The following EXOC6B variants were observed in gnomAD, a reference collection of about 807,000 sequenced individuals.
The protein encoded by EXOC6B is exocyst complex component 6B, also known as SEC15 homolog B.
EXOC6B carries 54 observed loss-of-function variants against 113.5 expected under a neutral mutation model. The ratio of observed to expected loss-of-function variants is 0.48; its 90% CI spans 0.38 to 0.60. The LOEUF is 0.60. Ranked by LOEUF, EXOC6B falls within the 20% of genes least tolerant of loss-of-function variation. The pLI is 0.00. For synonymous variants in EXOC6B, 357 were observed against 339.0 expected (o/e 1.05, Z -0.58); for missense variants, 797 against 977.5 (o/e 0.82, Z 2.46).
intron 5 of EXOC6B, among the ~76,000 whole-genome samples, chr2:72,730,579 GACACACAC>G (rs3034987): frequency 0.58 from 84,012 of 144,464 alleles, 29,101 homozygotes; most frequent in East Asian, 0.93. Flanking sequence ...AACAGACAGA[GACACACAC>G]ACACACACAC....
intron 20 of EXOC6B, among the ~76,000 whole-genome samples, chr2:72,323,157 T>C (rs1442315993): frequency 2.0e-5 from 3 of 151,754 alleles, no homozygotes; most frequent in African/African-American, 7.3e-5. Flanking sequence ...AACAACCCCA[T>C]CAAAAAGTGG....
At chr2:72,589,933 C>T (rs1321774081) in intron 6 of EXOC6B, among the ~76,000 whole-genome samples, 12 of 151,882 alleles carry the variant, frequency 7.9e-5, no homozygotes, top group Non-Finnish European at 1.6e-4. Context: ...AATTCAAAGA[C>T]CACATCAAAG....
chr2:72,564,921 C>T (rs929997908), intron 7 of EXOC6B, among the ~76,000 whole-genome samples: 4 of 152,134 alleles, frequency 2.6e-5, no homozygotes, highest in Non-Finnish European at 4.4e-5. Context: ...AAGCAGATTA[C>T]CACTTATTAA....
In EXOC6B at chr2:72,401,521, ATACATATATATATATATATATATGTG is replaced by A. The variant is rs1693183887; in HGVS notation, c.1981-21677_1981-21652del. On this transcript the variant is annotated intron_variant, in intron 18 of 21. Coordinates refer to ENST00000272427, the MANE Select transcript of EXOC6B (RefSeq NM_015189.3). ...TATATATATATATATATATACATAT[ATACATATATATATATATATATATGTG>A]TATATATATATATATATACATATAT... Among the ~76,000 whole-genome samples, 9 of 22,480 alleles carry A rather than the reference ATACATATATATATATATATATATGTG, an allele frequency of 4.0e-4. 2 individuals carry two copies. Among genetic ancestry groups the A allele is most frequent in the African/African-American group, 8.2e-4 (4 of 4,884 alleles). The allele number at this position is 22,480 out of a possible 152,430, so 14.7% of individuals were successfully genotyped here. A position where few individuals can be genotyped will look rare whatever the true frequency, so the allele number is the denominator to read the frequency against.
chr2:72,501,303 T>C (rs1468272617), intron 11 of EXOC6B, among the ~76,000 whole-genome samples: 1 of 152,064 alleles, frequency 6.6e-6, no homozygotes, highest in East Asian at 1.9e-4. Flanking sequence ...AGCTAGTTGT[T>C]TAAAGAGCCT....
intron 15 of EXOC6B, among the ~76,000 whole-genome samples, chr2:72,495,100 C>T (rs561231226): frequency 1.3e-5 from 2 of 152,018 alleles, no homozygotes; most frequent in Non-Finnish European, 2.9e-5. Context: ...TCAAGCGATC[C>T]TCCTGCCTCA....
At chr2:72,271,509 G>A (rs559014180) in intron 20 of EXOC6B, among the ~76,000 whole-genome samples, 1 of 151,900 alleles carries the variant, frequency 6.6e-6, no homozygotes, top group African/African-American at 2.4e-5. Flanking sequence ...GATACAGAGA[G>A]AGGGACTGAA....
chr2:72,449,754 T>TATA (rs886471889), intron 18 of EXOC6B, among the ~76,000 whole-genome samples: 3 of 152,154 alleles, frequency 2.0e-5, no homozygotes, highest in African/African-American at 7.2e-5. Flanking sequence ...TGTGGCAAAC[T>TATA]ATATACCAAG....
rs1458060687 is a variant in EXOC6B, at chr2:72,731,059, A to C, written c.419-7T>G. The C allele has an allele frequency of 1.3e-6, 2 of 1,553,146 alleles. No homozygotes were observed. The highest frequency in any genetic ancestry group is 4.7e-5 in the East Asian group (2 of 42,730). ...TTGCTGTACATCTCTAGGACTTAAA[A>C]GAAAGAAAAGAATACACAAACATGA... On this transcript the variant is annotated splice_polypyrimidine_tract_variant and splice_region_variant and intron_variant, in intron 4 of 21. Transcript: ENST00000272427.
At chr2:72,525,340 G>GCCTT (rs34025787) in intron 8 of EXOC6B, among the ~76,000 whole-genome samples, 93,084 of 151,654 alleles carry the variant, frequency 0.61, 34,790 homozygotes, top group East Asian at 0.99. Flanking sequence ...AACCAATAAA[G>GCCTT]CTTTAATTGA....
intron 5 of EXOC6B, among the ~76,000 whole-genome samples, chr2:72,720,789 C>G (rs1412753506): frequency 6.6e-6 from 1 of 151,274 alleles, no homozygotes. Context: ...CACAAAAGAG[C>G]TGAAATGGCT....
chr2:72,455,291 T>C (rs1697155253), intron 18 of EXOC6B, among the ~76,000 whole-genome samples: 1 of 152,188 alleles, frequency 6.6e-6, no homozygotes, highest in Non-Finnish European at 1.5e-5. Flanking sequence ...CAAGTTAGGT[T>C]AGAAACAAGC....
chr2:72,626,631 G>A (rs1046561452), intron 6 of EXOC6B, among the ~76,000 whole-genome samples: 46 of 152,036 alleles, frequency 3.0e-4, no homozygotes, highest in African/African-American at 1.1e-3. Context: ...TAGTTTCTAT[G>A]TGTAATAGTT....
At chr2:72,222,419 G>A (rs1416889376) in intron 20 of EXOC6B, among the ~76,000 whole-genome samples, 1 of 152,198 alleles carries the variant, frequency 6.6e-6, no homozygotes, top group Non-Finnish European at 1.5e-5. Context: ...TATAGGCAGA[G>A]CCAAAGGCAA....
At chr2:72,457,299 A>C (rs978625417) in intron 18 of EXOC6B, among the ~76,000 whole-genome samples, 11 of 152,106 alleles carry the variant, frequency 7.2e-5, no homozygotes, top group African/African-American at 2.7e-4. Flanking sequence ...ACTAAAAGAA[A>C]TGTCAGTTTT....
intron 19 of EXOC6B, among the ~76,000 whole-genome samples, chr2:72,366,494 T>C (rs558460382): frequency 6.6e-6 from 1 of 152,104 alleles, no homozygotes; most frequent in South Asian, 2.1e-4. Flanking sequence ...AAAGGAAGTT[T>C]CAGACACAAA....
chr2:72,431,433 G>T (rs563206959), intron 18 of EXOC6B, among the ~76,000 whole-genome samples: 1 of 151,826 alleles, frequency 6.6e-6, no homozygotes, highest in Non-Finnish European at 1.5e-5. Flanking sequence ...TGTGTCAGCC[G>T]CCTGGAGAGC....
At chr2:72,803,816 A>G (rs1685431959) in intron 1 of EXOC6B, among the ~76,000 whole-genome samples, 1 of 151,138 alleles carries the variant, frequency 6.6e-6, no homozygotes, top group African/African-American at 2.4e-5. Context: ...AATTGTCCTA[A>G]TAAATATACA....
chr2:72,701,679 T>A (rs897933164), intron 6 of EXOC6B, among the ~76,000 whole-genome samples: 1 of 152,118 alleles, frequency 6.6e-6, no homozygotes, highest in African/African-American at 2.4e-5. Flanking sequence ...TACCTACAGG[T>A]TTCCCTCCTC....
Sources: allele counts gnomAD v4.1 joint callset (sites outside exome capture counted in the v4.1 genomes callset), GRCh38; gene constraint gnomAD v4.1.1; transcripts MANE v1.5; gene names NCBI Gene and HGNC (gene_info 2026-07-23, HGNC 2026-07-21).